Variants in XKRX observed in about 807,000 individuals in gnomAD.
XKRX encodes XK-related protein 2.
XKRX carries 11 observed loss-of-function variants against 22.4 expected under a neutral mutation model. The ratio of observed to expected loss-of-function variants is 0.49; its 90% CI spans 0.31 to 0.81. The LOEUF is 0.81. Ranked by LOEUF, XKRX falls within the 40% of genes least tolerant of loss-of-function variation. XKRX has a pLI of 0.05. For synonymous variants in XKRX, 114 were observed against 132.2 expected (o/e 0.86, Z 0.94); for missense variants, 320 against 336.5 (o/e 0.95, Z 0.38).
the XKRX span, among the ~76,000 whole-genome samples, chrX:100,903,103 A>G: frequency 9.1e-6 from 1 of 110,194 alleles, no homozygotes; most frequent in Non-Finnish European, 1.9e-5. Flanking sequence ...ATCATACTTC[A>G]TGGTGAGAAA....
upstream of XKRX, chrX:100,929,412 C>T (rs755533205): frequency 2.5e-4 from 28 of 111,449 alleles, no homozygotes; most frequent in African/African-American, 9.1e-4. Flanking sequence ...CACCTCCAGA[C>T]CCAGGCAGGA....
At chrX:100,911,875 C>A (rs777135714), downstream of XKRX, among the ~76,000 whole-genome samples, 1 of 111,359 alleles carries the variant, frequency 9.0e-6, no homozygotes, top group African/African-American at 3.3e-5. Flanking sequence ...AGGTCAGAAA[C>A]TACTCCACAC....
At chrX:100,887,474 G>C in the XKRX span, among the ~76,000 whole-genome samples, 55 of 112,293 alleles carry the variant, frequency 4.9e-4, no homozygotes, top group Middle Eastern at 4.6e-3. Flanking sequence ...CAGTCCTCAA[G>C]TTTTTTGCCC....
the XKRX span, among the ~76,000 whole-genome samples, chrX:100,898,552 G>A: frequency 2.3e-3 from 242 of 106,760 alleles, 1 homozygote; most frequent in African/African-American, 7.9e-3. Flanking sequence ...AGGAGATACC[G>A]AGGGGAATAA....
At chrX:100,957,941 T>C in the XKRX span, among the ~76,000 whole-genome samples, 1 of 111,358 alleles carries the variant, frequency 9.0e-6, no homozygotes, top group South Asian at 3.8e-4. Context: ...GCTATGAGCA[T>C]AGTGTGTGGA....
downstream of XKRX, chrX:100,911,401 G>A (rs7128): frequency 0.16 from 122,408 of 784,274 alleles, 7,018 homozygotes; most frequent in Admixed American, 0.21. Flanking sequence ...GACTTGTGAC[G>A]CAAAGAGGCA....
the XKRX span, chrX:100,956,689 G>A: frequency 1.8e-5 from 10 of 552,250 alleles, no homozygotes; most frequent in Admixed American, 4.5e-5. Flanking sequence ...TCTCATGAAA[G>A]TGAAGAGCAA....
chrX:100,891,255 C>T, the XKRX span, among the ~76,000 whole-genome samples: 1 of 111,208 alleles, frequency 9.0e-6, no homozygotes, highest in Non-Finnish European at 1.9e-5. Context: ...GTTAAAATGT[C>T]CATGCTACCC....
chrX:100,957,313 A>C, the XKRX span: 1 of 1,059,317 alleles, frequency 9.4e-7, no homozygotes, highest in Non-Finnish European at 1.3e-6. Flanking sequence ...AAATACTTAC[A>C]TGGTGACCTC....
chrX:100,921,664 T>C (rs1271403599), intron 2 of XKRX, among the ~76,000 whole-genome samples: 4 of 110,581 alleles, frequency 3.6e-5, no homozygotes, highest in Non-Finnish European at 5.7e-5. Flanking sequence ...TTGAAAACAC[T>C]GACTCACATT....
At chrX:100,910,549 C>A (rs764845777), downstream of XKRX, among the ~76,000 whole-genome samples, 5 of 105,324 alleles carry the variant, frequency 4.7e-5, no homozygotes, top group African/African-American at 1.7e-4. Flanking sequence ...CATGCCACTG[C>A]ACTCCAGCCT....
At chrX:100,889,299 A>C in the XKRX span, among the ~76,000 whole-genome samples, 1 of 109,519 alleles carries the variant, frequency 9.1e-6, no homozygotes, top group African/African-American at 3.3e-5. Flanking sequence ...TATAGATGTA[A>C]TTAGTTAAGA....
the XKRX span, among the ~76,000 whole-genome samples, chrX:100,936,860 C>G: frequency 9.1e-6 from 1 of 109,875 alleles, no homozygotes; most frequent in East Asian, 2.9e-4. Flanking sequence ...TCCCTTCTCA[C>G]CTGGTCCCCC....
At chrX:100,910,388 C>G (rs1049798246), downstream of XKRX, among the ~76,000 whole-genome samples, 14 of 110,033 alleles carry the variant, frequency 1.3e-4, no homozygotes, top group Non-Finnish European at 1.9e-4. Context: ...GAGTTCAAGA[C>G]CAGCCTGACC....
chrX:100,935,184 G>T, the XKRX span, among the ~76,000 whole-genome samples: 2 of 111,614 alleles, frequency 1.8e-5, no homozygotes, highest in Non-Finnish European at 3.8e-5. Context: ...TCTTAAGGAG[G>T]TCACACAGTA....
chrX:100,912,187 T>C (rs1281057858), downstream of XKRX, among the ~76,000 whole-genome samples: 1 of 111,514 alleles, frequency 9.0e-6, no homozygotes, highest in East Asian at 2.8e-4. Flanking sequence ...AAAGAAGTAA[T>C]GTGTTCTTCT....
intron 1 of XKRX, among the ~76,000 whole-genome samples, chrX:100,924,796 G>A (rs907561030): frequency 5.4e-5 from 6 of 112,027 alleles, no homozygotes; most frequent in African/African-American, 1.3e-4. Context: ...TATGGGAGGA[G>A]AGGATAATAA....
chrX:100,950,971 A>G, the XKRX span, among the ~76,000 whole-genome samples: 1 of 110,823 alleles, frequency 9.0e-6, no homozygotes, highest in Non-Finnish European at 1.9e-5. Context: ...GGGGGCTCAC[A>G]CCTGTAATCC....
chrX:100,954,303 C>G, the XKRX span, among the ~76,000 whole-genome samples: 203 of 110,576 alleles, frequency 1.8e-3, 1 homozygote, highest in Non-Finnish European at 1.2e-3. Context: ...CCTGTAATCA[C>G]AGCTACTTGG....
Sources: allele counts gnomAD v4.1 joint callset (sites outside exome capture counted in the v4.1 genomes callset), GRCh38; gene constraint gnomAD v4.1.1; transcripts MANE v1.5; gene names NCBI Gene and HGNC (gene_info 2026-07-23, HGNC 2026-07-21).